Variants in MYBBP1A observed in about 807,000 individuals in gnomAD.
MYBBP1A encodes MYB binding protein 1a.
A neutral mutation model predicts 136.3 loss-of-function variants in MYBBP1A; 147 were observed. That is an observed-to-expected ratio of 1.08 (90% CI 0.94 to 1.24). The LOEUF is 1.24. MYBBP1A is among the 50% of genes most tolerant of loss of function. The pLI, the probability that MYBBP1A is intolerant of heterozygous loss-of-function variation, is 0.00. For missense variants in MYBBP1A, 2,060 were observed against 1,727.4 expected, an observed-to-expected ratio of 1.19 and a Z score of -3.41; for synonymous variants, 947 against 735.8, an observed-to-expected ratio of 1.29 and a Z score of -4.65.
chr17:4,546,346 T>A (rs931600746), intron 13 of MYBBP1A, among the ~76,000 whole-genome samples: 4 of 152,222 alleles, frequency 2.6e-5, no homozygotes, highest in African/African-American at 9.6e-5. Flanking sequence ...CTTGAACTCC[T>A]GACCTCGTGA....
At position 4,550,148 on chromosome 17, in the gene MYBBP1A, A is replaced by G; in HGVS notation, c.1229T>C (p.Leu410Pro). The G allele has an allele frequency of 1.2e-6, 2 of 1,613,984 alleles. No individual in the cohort carries two copies. Among genetic ancestry groups the G allele is most frequent in the Non-Finnish European group, 1.7e-6 (2 of 1,180,038 alleles). ...GTCTGGCTGGAGAAACATGGCCCGCAGCCAGGCCACATAGCCCTGCAGGGC... is the reference window on the plus strand; with the variant it reads ...GTCTGGCTGGAGAAACATGGCCCGCGGCCAGGCCACATAGCCCTGCAGGGC... The part of the protein sequence containing the change: ...PPALQGYVAW[L>P]RAMFLQPDLD... The change falls in exon 9 of 26, where the codon CTG (leucine) becomes CCG (proline). Residue 410 changes from leucine to proline, a missense_variant. By Grantham distance (98) the Leu-to-Pro change is moderately conservative. Transcript: ENST00000254718.
At position 4,544,732 on chromosome 17, in the gene MYBBP1A, G is replaced by A. The variant is rs529404610; in HGVS notation, c.2481+19C>T. ...CGCACAGGGAGGCGGGGGTGGGTGC[G>A]GCCCGCCCCCAGGCTCACCCGGATC... On this transcript the variant is annotated intron_variant, in intron 18 of 25. Transcript: ENST00000254718. 5.4e-5 allele frequency: 82 copies of A among 1,513,222 alleles called. No individual in the cohort carries two copies. The highest frequency in any genetic ancestry group is 1.9e-4 in the South Asian group (15 of 80,772). 93.7% of individuals were successfully genotyped at this position (1,513,222 alleles called of 1,614,324 possible).
intron 13 of MYBBP1A, among the ~76,000 whole-genome samples, chr17:4,547,488 C>T (rs1907108631): frequency 6.6e-6 from 1 of 152,222 alleles, no homozygotes; most frequent in Non-Finnish European, 1.5e-5. Context: ...GACCCACCTA[C>T]TCAGGCTACA....
At chr17:4,551,082 A>G (rs916593717) in intron 8 of MYBBP1A, among the ~76,000 whole-genome samples, 3 of 152,246 alleles carry the variant, frequency 2.0e-5, no homozygotes, top group African/African-American at 7.2e-5. Context: ...TCTGGGTTCA[A>G]GGGATCCTCC....
chr17:4,541,430 C>T (rs761614651), intron 24 of MYBBP1A, 33 bp downstream of exon 24: 46 of 1,594,874 alleles, frequency 2.9e-5, no homozygotes, highest in Admixed American at 1.0e-4. Flanking sequence ...AAGAGGAACC[C>T]GAACACGACC....
chr17:4,544,986 G>GCCCGGCCCCCCCC, intron 17 of MYBBP1A, 40 bp downstream of exon 17: 1 of 1,464,174 alleles, frequency 6.8e-7, no homozygotes, highest in Non-Finnish European at 9.1e-7. Flanking sequence ...GGACACCCGA[G>GCCCGGCCCCCCCC]CCCTCCCCGG....
chr17:4,545,412 C>G, intron 15 of MYBBP1A, 67 bp from the exon 16 acceptor site: 1 of 1,592,164 alleles, frequency 6.3e-7, no homozygotes. Flanking sequence ...CCCACTCAGC[C>G]TTGACCAAAG....
At position 4,552,714 on chromosome 17, in the gene MYBBP1A, C is replaced by G. The variant is rs537950259; in HGVS notation, c.562-88G>C. ...CTACCTGCTCCTGACACGGGGCCAC[C>G]TGGTGAGGTATCAGAGTCATCAGAG... On this transcript the variant is annotated intron_variant, in intron 5 of 25. Transcript: ENST00000254718. The surrounding 1 kb of genome is among the most constrained non-coding windows in gnomAD (Gnocchi z 4.7). 3.1e-6 allele frequency: 4 copies of G among 1,279,258 alleles called. No individual in the cohort carries two copies. The highest frequency in any genetic ancestry group is 4.3e-6 in the Non-Finnish European group (4 of 923,176). 79.2% of individuals were successfully genotyped at this position (1,279,258 alleles called of 1,614,324 possible). A position where few individuals can be genotyped will look rare whatever the true frequency, so the allele number is the denominator to read the frequency against.
chr17:4,549,550 G>T (rs1490459739), intron 9 of MYBBP1A, 108 bp from the exon 10 acceptor site: 4 of 927,552 alleles, frequency 4.3e-6, no homozygotes, highest in Non-Finnish European at 6.6e-6. Context: ...GCCAAGGCTG[G>T]CCAATCACTC....
chr17:4,547,799 T>C (rs1907130959), intron 13 of MYBBP1A, 159 bp downstream of exon 13: 7 of 571,394 alleles, frequency 1.2e-5, no homozygotes, highest in South Asian at 2.7e-5. Flanking sequence ...GCCGGAGGGA[T>C]GTTTCCACCT....
chr17:4,544,236 T>C (rs1310728422), intron 19 of MYBBP1A, among the ~76,000 whole-genome samples: 1 of 141,112 alleles, frequency 7.1e-6, no homozygotes, highest in African/African-American at 3.0e-5. Context: ...CTTGAGACTG[T>C]CAAGGGCAGG....
chr17:4,549,721 T>C (rs1907333126), intron 9 of MYBBP1A, among the ~76,000 whole-genome samples: 1 of 144,370 alleles, frequency 6.9e-6, no homozygotes, highest in Non-Finnish European at 1.5e-5. Flanking sequence ...GAGGCAGAAG[T>C]TGCAATGAGC....
chr17:4,547,839 A>T (rs1409467704), intron 13 of MYBBP1A, 119 bp downstream of exon 13: 3 of 894,624 alleles, frequency 3.4e-6, no homozygotes, highest in African/African-American at 3.4e-5. Context: ...AAACCTCCCA[A>T]CTTAACTCCC....
Position 4,552,987 on chromosome 17 carries a change from A to G in MYBBP1A, c.562-361T>C, listed in dbSNP as rs1461890053. On this transcript the variant is annotated intron_variant, in intron 5 of 25. Coordinates refer to ENST00000254718, the MANE Select transcript of MYBBP1A (RefSeq NM_014520.4). This position sits in a 1 kb window ranked among gnomAD's most constrained non-coding sequence, Gnocchi z 4.7. ...AAGGTGTGCGCCATCACACCCAGCTAATTTTTGTATTTTTAGTAGAGATGG... is the reference window on the plus strand; with the variant it reads ...AAGGTGTGCGCCATCACACCCAGCTGATTTTTGTATTTTTAGTAGAGATGG... Among the ~76,000 whole-genome samples, 4 of 151,878 alleles carry G rather than the reference A, an allele frequency of 2.6e-5. No homozygotes were observed. Among genetic ancestry groups the G allele is most frequent in the Non-Finnish European group, 1.5e-5 (1 of 67,954 alleles).
rs1306339252 is a variant in MYBBP1A, at chr17:4,549,318, A to G, written c.1430+14T>C. 6.2e-7 allele frequency: 1 copy of G among 1,607,472 alleles called. No homozygotes were observed. The highest frequency in any genetic ancestry group is 1.3e-5 in the African/African-American group (1 of 74,930). On this transcript the variant is annotated intron_variant, in intron 10 of 25. Transcript: ENST00000254718. Reference sequence around the variant, plus strand: ...CACGCCCATGGGAAGCTGGGAATCCAGCACAGCTCGCACCTGGCCACCTGC... The same window carrying G: ...CACGCCCATGGGAAGCTGGGAATCCGGCACAGCTCGCACCTGGCCACCTGC...
At chr17:4,542,164 G>GC in intron 22 of MYBBP1A, 1 of 584,760 alleles carries the variant, frequency 1.7e-6, no homozygotes, top group Non-Finnish European at 3.0e-6. Flanking sequence ...GCCCCCAACA[G>GC]CCCTGGCACC....
At position 4,541,531 on chromosome 17, in the gene MYBBP1A, C is replaced by G. The variant is rs1179321755; in HGVS notation, c.3229G>C (p.Ala1077Pro). 8.7e-6 allele frequency: 14 copies of G among 1,613,236 alleles called. No individual in the cohort carries two copies. Among genetic ancestry groups the G allele is most frequent in the Admixed American group, 1.7e-5 (1 of 60,014 alleles). The change falls in exon 24 of 26, where the codon GCG becomes CCG. Residue 1077 changes from alanine (A) to proline (P), a missense_variant. Ala to Pro is a conservative substitution (Grantham distance 27, BLOSUM62 -1). Coordinates refer to ENST00000254718, the MANE Select transcript of MYBBP1A (RefSeq NM_014520.4). ...LRVLGEAQTK[A>P]QHQQALSSLE... ...GAGGACAGTGCCTGCTGATGCTGCGCCTTGGTCTGCGCCTCCCCCAGCACG... is the reference window on the plus strand; with the variant it reads ...GAGGACAGTGCCTGCTGATGCTGCGGCTTGGTCTGCGCCTCCCCCAGCACG...
At chr17:4,541,325 C>G in intron 24 of MYBBP1A, 138 bp downstream of exon 24, 1 of 778,436 alleles carries the variant, frequency 1.3e-6, no homozygotes. Flanking sequence ...AGCCCAGAGC[C>G]CTGGCCCAGG....
In MYBBP1A at chr17:4,542,986, T is replaced by C; in HGVS notation, c.2819A>G (p.Glu940Gly). 6.2e-7 allele frequency: 1 copy of C among 1,614,020 alleles called. No homozygotes were observed. The highest frequency in any genetic ancestry group is 1.3e-5 in the African/African-American group (1 of 75,044). Residue 940 changes from glutamate (E) to glycine (G), a missense_variant, in exon 20 of 26, where the codon GAG becomes GGG. Physicochemically the swap from Glu to Gly is moderately conservative, Grantham distance 98. Coordinates refer to ENST00000254718, the MANE Select transcript of MYBBP1A (RefSeq NM_014520.4). ...LLRVLKGNTA[E>G]GCVHETQEKQ... ...CTCCTGTGTCTCATGCACGCAGCCC[T>C]CAGCAGTGTTGCCCTTCAAGACCCG...
Sources: gnomAD v4.1 joint callset for allele counts (sites outside exome capture counted in the v4.1 genomes callset) on GRCh38, gnomAD v4.1.1 for gene constraint, Gnocchi (gnomAD v3.1) non-coding constraint, MANE v1.5 for transcripts, NCBI Gene and HGNC (gene_info 2026-07-23, HGNC 2026-07-21) for gene names.